ASIC2: variants seen among roughly 807,000 people sequenced by gnomAD.
The protein encoded by ASIC2 is acid-sensing ion channel 2.
Under a neutral mutation model 57.3 loss-of-function variants are expected in ASIC2, and 25 were observed. That is an observed-to-expected ratio of 0.44 (90% CI 0.32 to 0.61). The LOEUF (loss-of-function observed/expected upper bound fraction) is 0.61. Among genes scored for constraint, ASIC2 ranks in the 20% least tolerant of loss-of-function variants. The pLI, the probability that ASIC2 is intolerant of heterozygous loss-of-function variation, is 0.06. For missense variants in ASIC2, 641 were observed against 738.1 expected (o/e 0.87, Z 1.52); for synonymous variants, 319 against 307.5 (o/e 1.04, Z -0.39).
At position 34,057,701 on chromosome 17, in the gene ASIC2, G is replaced by A. The variant is rs188079689; in HGVS notation, c.555+98277C>T. ...CAAGAGGGTCAAGGATTAGGACTGC[G>A]GGTTAGGATTAGTGCTAGTGCTTGG... On this transcript the variant is annotated intron_variant, in intron 1 of 9. Transcript: ENST00000359872. 2.7e-3 allele frequency among the ~76,000 whole-genome samples: 410 copies of A among 152,206 alleles called. 1 individual carries two copies. Among genetic ancestry groups the A allele is most frequent in the Middle Eastern group, 0.014 (4 of 294 alleles).
intron 1 of ASIC2, among the ~76,000 whole-genome samples, chr17:33,970,828 G>A (rs1040159029): frequency 6.6e-6 from 1 of 152,156 alleles, no homozygotes; most frequent in African/African-American, 2.4e-5. Context: ...TGAAAGGTGG[G>A]GGTGAAGTGG....
At chr17:33,969,577 A>C (rs997675690) in intron 1 of ASIC2, among the ~76,000 whole-genome samples, 1 of 152,202 alleles carries the variant, frequency 6.6e-6, no homozygotes, top group Non-Finnish European at 1.5e-5. Context: ...TGAGCCCATT[A>C]CTATTGTGGA....
At chr17:33,943,261 G>T (rs1916231175) in intron 1 of ASIC2, among the ~76,000 whole-genome samples, 1 of 152,196 alleles carries the variant, frequency 6.6e-6, no homozygotes, top group African/African-American at 2.4e-5. Context: ...AGGGAAGAAG[G>T]TTGATATTGT....
intron 1 of ASIC2, among the ~76,000 whole-genome samples, chr17:33,650,110 G>A (rs910779038): frequency 6.6e-6 from 1 of 151,964 alleles, no homozygotes; most frequent in African/African-American, 2.4e-5. Flanking sequence ...TTAGTATTTG[G>A]AATATATAAA....
intron 1 of ASIC2, among the ~76,000 whole-genome samples, chr17:33,262,296 G>GA (rs1360821430): frequency 1.1e-4 from 17 of 148,486 alleles, no homozygotes; most frequent in Non-Finnish European, 2.1e-4. Context: ...AGGAGGGAGA[G>GA]AAAATAGGGA....
chr17:33,552,807 G>T (rs1323001016), intron 1 of ASIC2, among the ~76,000 whole-genome samples: 1 of 152,248 alleles, frequency 6.6e-6, no homozygotes, highest in Non-Finnish European at 1.5e-5. Flanking sequence ...GAAGCCAGAT[G>T]GTCAGTGGAA....
chr17:33,031,124 C>A (rs893076170), intron 3 of ASIC2, among the ~76,000 whole-genome samples: 2 of 152,062 alleles, frequency 1.3e-5, no homozygotes, highest in African/African-American at 4.8e-5. Context: ...GCCAGTGAAG[C>A]CATCTGGACC....
At chr17:33,829,077 C>T (rs535400030) in intron 1 of ASIC2, among the ~76,000 whole-genome samples, 3 of 152,278 alleles carry the variant, frequency 2.0e-5, no homozygotes, top group African/African-American at 2.4e-5. Context: ...CACTAGTTTC[C>T]GTTGATAGGT....
chr17:34,001,883 T>C (rs982969616), intron 1 of ASIC2: 1 of 152,270 alleles, frequency 6.6e-6, no homozygotes, highest in African/African-American at 2.4e-5. Flanking sequence ...CAAATTGATG[T>C]TTCTGCAAGG....
chr17:33,712,044 T>C (rs1909053063), intron 1 of ASIC2, among the ~76,000 whole-genome samples: 1 of 152,234 alleles, frequency 6.6e-6, no homozygotes, highest in African/African-American at 2.4e-5. Flanking sequence ...CCTCCCATGA[T>C]GTAACAGTAG....
At chr17:33,485,790 AGT>A (rs1201790170) in intron 1 of ASIC2, among the ~76,000 whole-genome samples, 1 of 152,234 alleles carries the variant, frequency 6.6e-6, no homozygotes, top group Non-Finnish European at 1.5e-5. Flanking sequence ...TAAAACACTC[AGT>A]GTGAAATGTC....
At chr17:33,615,241 G>A (rs1905561290) in intron 1 of ASIC2, among the ~76,000 whole-genome samples, 1 of 152,164 alleles carries the variant, frequency 6.6e-6, no homozygotes, top group Non-Finnish European at 1.5e-5. Flanking sequence ...AGATTTCAAT[G>A]TGCATTGCCA....
At chr17:34,107,676 C>G (rs1368865378) in intron 1 of ASIC2, among the ~76,000 whole-genome samples, 1 of 152,182 alleles carries the variant, frequency 6.6e-6, no homozygotes, top group Non-Finnish European at 1.5e-5. Flanking sequence ...CTGACCAAAA[C>G]TAAAGGTAGT....
rs528446940 is a variant in ASIC2, at chr17:33,198,319, T to C, written c.709-86252A>G. Reference sequence around the variant, plus strand: ...GGGAGCCATGTTTGCACCACTGCACTCCAGTCTGGGTGACAATGTGAGACC... The same window carrying C: ...GGGAGCCATGTTTGCACCACTGCACCCCAGTCTGGGTGACAATGTGAGACC... On this transcript the variant is annotated intron_variant, in intron 1 of 9. Transcript: ENST00000225823. Among the ~76,000 whole-genome samples the C allele has an allele frequency of 1.2e-4, 19 of 152,320 alleles. No individual in the cohort carries two copies. In the South Asian group the frequency reaches 3.5e-3, roughly 28 times the overall value.
chr17:34,026,897 A>G (rs975119308), intron 1 of ASIC2, among the ~76,000 whole-genome samples: 12 of 152,254 alleles, frequency 7.9e-5, no homozygotes, highest in Admixed American at 7.9e-4. Flanking sequence ...AGACTGCGTT[A>G]GAACCTTTCA....
At chr17:33,082,976 G>A (rs1045157683) in intron 3 of ASIC2, among the ~76,000 whole-genome samples, 1 of 152,086 alleles carries the variant, frequency 6.6e-6, no homozygotes, top group Non-Finnish European at 1.5e-5. Flanking sequence ...CCTTTCATGA[G>A]CTTTTGCTTT....
At chr17:33,798,780 A>G (rs1597880372) in intron 1 of ASIC2, among the ~76,000 whole-genome samples, 1 of 152,190 alleles carries the variant, frequency 6.6e-6, no homozygotes. Flanking sequence ...ATCTAATGCA[A>G]ATCAATGATG....
At chr17:33,110,592 A>C (rs1597582461) in intron 2 of ASIC2, among the ~76,000 whole-genome samples, 2 of 151,888 alleles carry the variant, frequency 1.3e-5, no homozygotes, top group Admixed American at 6.6e-5. Flanking sequence ...CTGTGATGGG[A>C]GGTAAATGGC....
In ASIC2 at chr17:33,847,063, C is replaced by A. The variant is rs907831013; in HGVS notation, c.555+308915G>T. ...CAGCAGGAGGAGTCTCCAGTTCCAG[C>A]CAGGAACATCTAAACCCAGGCACCT... On this transcript the variant is annotated intron_variant, in intron 1 of 9. Transcript: ENST00000359872. Among the ~76,000 whole-genome samples the A allele has an allele frequency of 3.9e-5, 6 of 151,968 alleles. No homozygotes were observed. The East Asian group carries it at 1.2e-3, about 29-fold the overall frequency.
Sources: allele counts gnomAD v4.1 joint callset (sites outside exome capture counted in the v4.1 genomes callset), GRCh38; gene constraint gnomAD v4.1.1; transcripts MANE v1.5; gene names NCBI Gene and HGNC (gene_info 2026-07-23, HGNC 2026-07-21).